Variants in SPTBN4 observed in about 807,000 individuals in gnomAD.
SPTBN4 encodes the protein spectrin beta, non-erythrocytic 4.
A neutral mutation model predicts 277.8 loss-of-function variants in SPTBN4; 96 were observed. The ratio of observed to expected loss-of-function variants is 0.35; its 90% CI spans 0.29 to 0.41. The LOEUF is 0.41. Ranked by LOEUF, SPTBN4 falls within the 10% of genes least tolerant of loss-of-function variation. The pLI is 1.00. For missense variants in SPTBN4, 3,006 were observed against 3,595.7 expected (o/e 0.84, Z 4.19); for synonymous variants, 1,481 against 1,580.3 (o/e 0.94, Z 1.49).
rs942759963 is a variant in SPTBN4 at position 40,517,278 on chromosome 19, G to A, written c.2903+1830G>A. 2.0e-5 allele frequency among the ~76,000 whole-genome samples: 3 copies of A among 151,966 alleles called. No homozygotes were observed. The South Asian group carries it at 6.2e-4, about 32-fold the overall frequency. On this transcript the variant is annotated intron_variant, in intron 15 of 35. Transcript: ENST00000598249. ...GAAGATGGATATGTTTGACTTCAAAGACTGTGCTCTTTTTTTTTTTTTCTT... is the reference window on the plus strand; with the variant it reads ...GAAGATGGATATGTTTGACTTCAAAAACTGTGCTCTTTTTTTTTTTTTCTT...
At chr19:40,569,504 T>C (rs1376767413) in intron 31 of SPTBN4, among the ~76,000 whole-genome samples, 153 bp from the exon 32 acceptor site, 1 of 151,442 alleles carries the variant, frequency 6.6e-6, no homozygotes, top group Non-Finnish European at 1.5e-5. Context: ...ACACCTGTGG[T>C]ACCTAAGGCG....
At chr19:40,500,691 C>T (rs553549436) in intron 7 of SPTBN4, among the ~76,000 whole-genome samples, 8 of 151,840 alleles carry the variant, frequency 5.3e-5, no homozygotes, top group South Asian at 4.2e-4. Flanking sequence ...TAAAAAATTA[C>T]AAAAAATTAG....
At chr19:40,534,527 C>T (rs2080713617) in intron 20 of SPTBN4, 184 bp downstream of exon 20, 1 of 751,292 alleles carries the variant, frequency 1.3e-6, no homozygotes, top group Non-Finnish European at 2.1e-6. Context: ...AAGCAGCCAC[C>T]ACTCCCTAAG....
chr19:40,483,649 T>C (rs1004800884), intron 2 of SPTBN4, among the ~76,000 whole-genome samples: 2 of 152,162 alleles, frequency 1.3e-5, no homozygotes, highest in Non-Finnish European at 2.9e-5. Context: ...TGAATACTGA[T>C]CATCAATCAT....
chr19:40,485,299 G>A (rs1037910333), intron 2 of SPTBN4, among the ~76,000 whole-genome samples: 24 of 152,080 alleles, frequency 1.6e-4, no homozygotes, highest in Middle Eastern at 3.2e-3. Flanking sequence ...ACAGATGTGC[G>A]CCACTAAGTC....
intron 18 of SPTBN4, among the ~76,000 whole-genome samples, chr19:40,529,434 G>A (rs2145892122): frequency 6.6e-6 from 1 of 152,322 alleles, no homozygotes; most frequent in South Asian, 2.1e-4. Context: ...TGAGATTTGT[G>A]AGAATCGCTC....
At chr19:40,469,997 A>C (rs1029810560) in intron 1 of SPTBN4, among the ~76,000 whole-genome samples, 1 of 141,374 alleles carries the variant, frequency 7.1e-6, no homozygotes, top group Non-Finnish European at 1.5e-5. Context: ...ATTTTCATTT[A>C]ATTTAATTTT....
Position 40,554,305 on chromosome 19 carries a change from G to T in SPTBN4, c.4833G>T (p.Glu1611Asp). Residue 1611 changes from glutamate to aspartate, a missense_variant, in exon 23 of 36, where the codon GAG becomes GAT. Physicochemically the swap from Glu to Asp is conservative, Grantham distance 45. Around this residue, in one of 5 missense-constraint regions of SPTBN4, gnomAD observed 1,759 missense variants for 2,061.5 expected, o/e 0.85. Coordinates refer to ENST00000598249, the MANE Select transcript of SPTBN4 (RefSeq NM_020971.3). The surrounding 1 kb of genome is among the most constrained non-coding windows in gnomAD (Gnocchi z 5.7). ...SAWAGLREAAERRQQVLDAAF... is the reference protein window; with the variant it reads ...SAWAGLREAADRRQQVLDAAF... ...GGGCCGGACTGCGGGAGGCTGCCGA[G>T]CGACGGCAGCAGGTGCTGGACGCCG... 1 of 1,542,918 alleles carries T rather than the reference G, an allele frequency of 6.5e-7. No homozygotes were observed. Among genetic ancestry groups the T allele is most frequent in the East Asian group, 2.4e-5 (1 of 41,394 alleles).
intron 1 of SPTBN4, 97 bp downstream of exon 1, chr19:40,467,402 G>A (rs2079836991): frequency 6.6e-6 from 1 of 152,526 alleles, no homozygotes; most frequent in South Asian, 2.1e-4. Flanking sequence ...TGGAGCCCCG[G>A]GTCTCCCCGG....
In SPTBN4 at chr19:40,519,948, G is replaced by T; in HGVS notation, c.3451G>T (p.Ala1151Ser). Reference protein sequence around the residue: ...QREEDYARIVAASEALLAADG... With the variant: ...QREEDYARIVSASEALLAADG... ...CGAGGAAGACTATGCTCGCATCGTGGCGGCCAGCGAGGCGCTGCTGGCCGC... is the reference window on the plus strand; with the variant it reads ...CGAGGAAGACTATGCTCGCATCGTGTCGGCCAGCGAGGCGCTGCTGGCCGC... Residue 1151 changes from alanine (A) to serine (S), a missense_variant, in exon 16 of 36, where the codon GCG (alanine) becomes TCG (serine). By Grantham distance (99) the Ala-to-Ser change is moderately conservative. This residue lies in a region of SPTBN4 where 1,759 missense variants were observed against 2,061.5 expected (regional missense o/e 0.85). Transcript: ENST00000598249. The surrounding 1 kb of genome is among the most constrained non-coding windows in gnomAD (Gnocchi z 5.7). 1 of 1,546,436 alleles carries T rather than the reference G, an allele frequency of 6.5e-7. No individual in the cohort carries two copies. Among genetic ancestry groups the T allele is most frequent in the East Asian group, 2.4e-5 (1 of 41,288 alleles).
intron 2 of SPTBN4, among the ~76,000 whole-genome samples, chr19:40,479,675 C>CATATATATATATATATATATAT (rs34118043): frequency 6.3e-5 from 8 of 126,676 alleles, no homozygotes; most frequent in African/African-American, 9.5e-5. Flanking sequence ...AATGAGTAAG[C>CATATATATATATATATATATAT]ATATATATAT....
intron 17 of SPTBN4, among the ~76,000 whole-genome samples, chr19:40,525,716 C>T (rs75515275): frequency 0.23 from 34,636 of 152,126 alleles, 4,205 homozygotes; most frequent in Non-Finnish European, 0.27. Flanking sequence ...CAGGACAGAA[C>T]ATGATTCCTG....
intron 14 of SPTBN4, 90 bp downstream of exon 14, chr19:40,513,644 C>A: frequency 7.6e-7 from 1 of 1,318,362 alleles, no homozygotes; most frequent in Non-Finnish European, 1.0e-6. Context: ...GTTTGCTCAG[C>A]TGGAACTAGG....
chr19:40,472,535 C>T (rs771350278), intron 1 of SPTBN4, 72 bp from the exon 2 acceptor site: 15 of 1,380,402 alleles, frequency 1.1e-5, no homozygotes, highest in Non-Finnish European at 1.5e-5. Context: ...AGAGAGGGGA[C>T]AGGACTCAAA....
chr19:40,542,822 G>GT (rs2080817153), intron 20 of SPTBN4, among the ~76,000 whole-genome samples: 1 of 149,134 alleles, frequency 6.7e-6, no homozygotes, highest in Non-Finnish European at 1.5e-5. Context: ...TTGTTTTTTT[G>GT]TTTTTTGAGA....
Position 40,502,977 on chromosome 19 carries a change from C to T in SPTBN4, c.1362+44C>T, listed in dbSNP as rs545646185. 17 of 1,595,542 alleles carry T rather than the reference C, an allele frequency of 1.1e-5. No individual in the cohort carries two copies. Among genetic ancestry groups the T allele is most frequent in the South Asian group, 7.9e-5 (7 of 89,052 alleles). On this transcript the variant is annotated intron_variant, in intron 11 of 35. Transcript: ENST00000598249. The surrounding 1 kb of genome is among the most constrained non-coding windows in gnomAD (Gnocchi z 4.9). ...GGCTCCAGGGTAAAGGGACGGAGGGCGGGGCTGATGGTCCTGGGACCAGAG... is the reference window on the plus strand; with the variant it reads ...GGCTCCAGGGTAAAGGGACGGAGGGTGGGGCTGATGGTCCTGGGACCAGAG...
intron 26 of SPTBN4, among the ~76,000 whole-genome samples, chr19:40,559,171 C>A (rs1216424782): frequency 6.6e-6 from 1 of 152,064 alleles, no homozygotes; most frequent in East Asian, 1.9e-4. Context: ...CTCAAGTGAT[C>A]TGCCCGCCTT....
In SPTBN4 at chr19:40,570,807, G is replaced by C. The variant is rs556912406; in HGVS notation, c.7319+79G>C. 1.8e-4 allele frequency: 260 copies of C among 1,468,520 alleles called. 6 individuals carry two copies. In the South Asian group the frequency reaches 3.2e-3, roughly 18 times the overall value. 91.0% of individuals were successfully genotyped at this position (1,468,520 alleles called of 1,614,324 possible). On this transcript the variant is annotated intron_variant, in intron 33 of 35. Transcript: ENST00000598249. ...TGCGTGGAGCGGTGGGACTGAGGAG[G>C]GGGTGTGGCTCAACTTCAGGCCCTC...
In SPTBN4 at chr19:40,502,435, G is replaced by C; in HGVS notation, c.1131G>C (p.Gln377His). 3 of 1,613,578 alleles carry C rather than the reference G, an allele frequency of 1.9e-6. No individual in the cohort carries two copies. The highest frequency in any genetic ancestry group is 2.5e-6 in the Non-Finnish European group (3 of 1,179,970). Residue 377 changes from glutamine (Q) to histidine (H), a missense_variant, in exon 10 of 36, where the codon CAG (glutamine) becomes CAC (histidine). Gln to His is a conservative substitution (Grantham distance 24). Coordinates refer to ENST00000598249, the MANE Select transcript of SPTBN4 (RefSeq NM_020971.3). The surrounding 1 kb of genome is among the most constrained non-coding windows in gnomAD (Gnocchi z 4.9). ...TAGAGGTGCTGCTCTTCAGCATCCA[G>C]AGCAAACTGCGTGCCTGCAACCGTC... ...GNLEVLLFSI[Q>H]SKLRACNRRL...
Sources: allele counts gnomAD v4.1 joint callset (sites outside exome capture counted in the v4.1 genomes callset), GRCh38; gene constraint gnomAD v4.1.1; regional missense constraint gnomAD v4.1.1; non-coding constraint Gnocchi (gnomAD v3.1); transcripts MANE v1.5; gene names NCBI Gene and HGNC (gene_info 2026-07-23, HGNC 2026-07-21).